Variants in AGFG1 observed in about 807,000 individuals in gnomAD.
The protein encoded by AGFG1 is arf-GAP domain and FG repeat-containing protein 1.
AGFG1 carries 10 observed loss-of-function variants against 60.6 expected under a neutral mutation model. The observed-to-expected ratio is 0.16, with a 90% CI of 0.10 to 0.28. The LOEUF (loss-of-function observed/expected upper bound fraction) is 0.28, where lower values mean the gene tolerates loss of function less well. Ranked by LOEUF, AGFG1 falls within the 10% of genes least tolerant of loss-of-function variation. The probability of loss-of-function intolerance (pLI) is 1.00; values close to 1 mark genes in which losing one functional copy is unlikely to be tolerated. For missense variants in AGFG1, 537 were observed against 676.5 expected (o/e 0.79, Z 2.29); for synonymous variants, 247 against 242.9 (o/e 1.02, Z -0.16).
chr2:227,491,096 T>G (rs1487174479), intron 1 of AGFG1, among the ~76,000 whole-genome samples: 3 of 152,196 alleles, frequency 2.0e-5, no homozygotes, highest in Non-Finnish European at 4.4e-5. Flanking sequence ...TCTAAATTAG[T>G]CTTAAGCTTA....
chr2:227,499,917 T>G (rs1336258718), intron 2 of AGFG1, among the ~76,000 whole-genome samples: 1 of 152,198 alleles, frequency 6.6e-6, no homozygotes. Flanking sequence ...CTGGTACACA[T>G]CTGAGTTGTA....
intron 2 of AGFG1, among the ~76,000 whole-genome samples, chr2:227,502,169 T>C: frequency 6.6e-6 from 1 of 152,034 alleles, no homozygotes; most frequent in Non-Finnish European, 1.5e-5. Context: ...AAGTAAACCT[T>C]CTTTTGAGAG....
At chr2:227,490,196 C>T (rs1690766168) in intron 1 of AGFG1, among the ~76,000 whole-genome samples, 1 of 152,140 alleles carries the variant, frequency 6.6e-6, no homozygotes, top group South Asian at 2.1e-4. Context: ...TTAAAAACTT[C>T]TGGTACATTT....
chr2:227,535,155 A>G (rs1378646109), intron 8 of AGFG1, 130 bp downstream of exon 8: 1 of 1,034,116 alleles, frequency 9.7e-7, no homozygotes. Flanking sequence ...AATTTGAGGA[A>G]TTTGAATTTA....
chr2:227,511,795 G>A (rs1022917586), intron 2 of AGFG1, among the ~76,000 whole-genome samples: 1 of 152,128 alleles, frequency 6.6e-6, no homozygotes, highest in Non-Finnish European at 1.5e-5. Flanking sequence ...TCATGACATA[G>A]CATTTAAAAA....
At chr2:227,543,048 T>A (rs1692538623) in intron 10 of AGFG1, among the ~76,000 whole-genome samples, 1 of 152,148 alleles carries the variant, frequency 6.6e-6, no homozygotes, top group South Asian at 2.1e-4. Context: ...CTTCTCTCTT[T>A]TCTTCTTTAT....
chr2:227,481,791 T>C (rs1406516391), intron 1 of AGFG1, among the ~76,000 whole-genome samples: 1 of 152,066 alleles, frequency 6.6e-6, no homozygotes, highest in Non-Finnish European at 1.5e-5. Flanking sequence ...TGTGGGTTAA[T>C]ACCTTCTTAT....
intron 1 of AGFG1, among the ~76,000 whole-genome samples, chr2:227,484,367 G>A (rs1034515408): frequency 6.6e-5 from 10 of 151,990 alleles, no homozygotes; most frequent in African/African-American, 1.9e-4. Context: ...TCTATTTTTA[G>A]TAGAGATGGA....
intron 5 of AGFG1, among the ~76,000 whole-genome samples, chr2:227,529,077 G>A (rs1448642203): frequency 1.3e-5 from 2 of 151,902 alleles, no homozygotes; most frequent in African/African-American, 4.8e-5. Flanking sequence ...TTGACTTTTG[G>A]TTTCATTACA....
At chr2:227,489,423 T>C (rs879362312) in intron 1 of AGFG1, among the ~76,000 whole-genome samples, 12 of 151,602 alleles carry the variant, frequency 7.9e-5, no homozygotes, top group Non-Finnish European at 1.8e-4. Flanking sequence ...GGTTTCACCA[T>C]GTTGGCCAGG....
intron 10 of AGFG1, among the ~76,000 whole-genome samples, chr2:227,548,128 A>G (rs932598920): frequency 1.3e-5 from 2 of 152,246 alleles, no homozygotes; most frequent in African/African-American, 2.4e-5. Context: ...TGAAATGTCC[A>G]GAATTGGAAA....
chr2:227,543,422 C>G (rs926263422), intron 10 of AGFG1, among the ~76,000 whole-genome samples: 1 of 152,158 alleles, frequency 6.6e-6, no homozygotes, highest in African/African-American at 2.4e-5. Flanking sequence ...ACCCAGTAGT[C>G]ATTCAGGAGC....
intron 1 of AGFG1, 50 bp from the exon 2 acceptor site, chr2:227,491,497 T>A: frequency 8.2e-7 from 1 of 1,216,330 alleles, no homozygotes; most frequent in Non-Finnish European, 1.1e-6. Flanking sequence ...TGTGTCATTT[T>A]AAAAATGTGG....
rs1046138597 is a variant in AGFG1, at chr2:227,556,526, T to A, written c.*2031T>A. 1 of 152,648 alleles carries A rather than the reference T, an allele frequency of 6.6e-6. No homozygotes were observed. The highest frequency in any genetic ancestry group is 2.4e-5 in the African/African-American group (1 of 41,436). 9.5% of individuals were successfully genotyped at this position (152,648 alleles called of 1,614,324 possible). On this transcript the variant is annotated 3_prime_UTR_variant, in exon 13 of 13. Transcript: ENST00000310078. ...CAGCCCTTTTCATTGAGGGAAAATA[T>A]ATTTGAATTTCTGTTTTAGATTGTA...
chr2:227,531,267 A>G, intron 6 of AGFG1, 57 bp downstream of exon 6: 1 of 1,565,486 alleles, frequency 6.4e-7, no homozygotes, highest in East Asian at 2.3e-5. Flanking sequence ...AAACTCTCTA[A>G]ATGTAGTTTT....
At chr2:227,551,749 T>G (rs1030855133) in intron 10 of AGFG1, among the ~76,000 whole-genome samples, 30 of 152,218 alleles carry the variant, frequency 2.0e-4, no homozygotes, top group African/African-American at 7.0e-4. Context: ...TTCTGGTCAT[T>G]GTGTTTTAGA....
intron 10 of AGFG1, among the ~76,000 whole-genome samples, chr2:227,541,706 C>G (rs531673761): frequency 6.6e-6 from 1 of 151,814 alleles, no homozygotes; most frequent in Admixed American, 6.6e-5. Context: ...TATGAACTTT[C>G]AAGTAGTTTT....
chr2:227,491,476 G>T, intron 1 of AGFG1, 71 bp from the exon 2 acceptor site: 3 of 919,820 alleles, frequency 3.3e-6, no homozygotes, highest in East Asian at 2.7e-5. Flanking sequence ...GAAATATTTT[G>T]AATTACTAGA....
In AGFG1 at chr2:227,555,325, AT is replaced by A. The variant is rs542555321; in HGVS notation, c.*833del. ...AAAGCATTTAAATGTAGCTTGTCAGATTTACCATAATCCTACTAATTTCTTT... is the reference window on the plus strand; with the variant it reads ...AAAGCATTTAAATGTAGCTTGTCAGATTACCATAATCCTACTAATTTCTTT... On this transcript the variant is annotated 3_prime_UTR_variant, in exon 13 of 13. Transcript: ENST00000310078. 1.5e-4 allele frequency: 23 copies of A among 152,622 alleles called. No homozygotes were observed. Among genetic ancestry groups the A allele is most frequent in the Non-Finnish European group, 3.2e-4 (22 of 68,004 alleles). 9.5% of individuals were successfully genotyped at this position (152,622 alleles called of 1,614,324 possible). A position where few individuals can be genotyped will look rare whatever the true frequency, so the allele number is the denominator to read the frequency against.
Sources: allele counts gnomAD v4.1 joint callset (sites outside exome capture counted in the v4.1 genomes callset), GRCh38; gene constraint gnomAD v4.1.1; transcripts MANE v1.5; gene names NCBI Gene and HGNC (gene_info 2026-07-23, HGNC 2026-07-21).